The following SLC25A12 variants were observed in gnomAD, a reference collection of about 807,000 sequenced individuals.
The protein encoded by SLC25A12 is electrogenic aspartate/glutamate antiporter SLC25A12, mitochondrial.
SLC25A12 carries 32 observed loss-of-function variants against 83.3 expected under a neutral mutation model. The ratio of observed to expected loss-of-function variants is 0.38; its 90% CI spans 0.29 to 0.52. The LOEUF is 0.52. Among genes scored for constraint, SLC25A12 ranks in the 20% least tolerant of loss-of-function variants. SLC25A12 has a pLI of 0.84. For synonymous variants in SLC25A12, 267 were observed against 291.1 expected, an observed-to-expected ratio of 0.92 and a Z score of 0.84; for missense variants, 611 against 835.6, an observed-to-expected ratio of 0.73 and a Z score of 3.31.
chr2:171,841,890 T>C (rs1479035660), intron 5 of SLC25A12, among the ~76,000 whole-genome samples: 1 of 152,174 alleles, frequency 6.6e-6, no homozygotes, highest in Non-Finnish European at 1.5e-5. Context: ...GCAGTGAGCT[T>C]ACACAGTCTG....
intron 1 of SLC25A12, 150 bp downstream of exon 1, chr2:171,894,053 C>T: frequency 1.8e-6 from 2 of 1,110,686 alleles, no homozygotes. Context: ...GTCCAAGCCC[C>T]GCACAGCTCT....
At chr2:171,892,876 A>G (rs1685972754) in intron 2 of SLC25A12, among the ~76,000 whole-genome samples, 2 of 152,236 alleles carry the variant, frequency 1.3e-5, no homozygotes, top group Admixed American at 6.5e-5. Flanking sequence ...AATTTTAGTC[A>G]TCATACCTAT....
At chr2:171,824,554 T>C (rs568230231) in intron 9 of SLC25A12, among the ~76,000 whole-genome samples, 1 of 152,176 alleles carries the variant, frequency 6.6e-6, no homozygotes, top group Non-Finnish European at 1.5e-5. Flanking sequence ...CACTGCAAAA[T>C]ATCTTCTTTT....
chr2:171,882,315 G>A (rs1180109643), intron 2 of SLC25A12, among the ~76,000 whole-genome samples: 1 of 152,194 alleles, frequency 6.6e-6, no homozygotes, highest in African/African-American at 2.4e-5. Context: ...AGTTCCAGAG[G>A]TGAGCATGTG....
At chr2:171,795,499 T>C (rs1387746078) in intron 13 of SLC25A12, among the ~76,000 whole-genome samples, 3 of 152,226 alleles carry the variant, frequency 2.0e-5, no homozygotes, top group Non-Finnish European at 4.4e-5. Context: ...ACTACTTCCC[T>C]GAAATCTCTT....
chr2:171,840,137 T>C lies in SLC25A12; in HGVS notation c.466-2870A>G, dbSNP rs954358648. Among the ~76,000 whole-genome samples, 8 of 152,304 alleles carry C rather than the reference T, an allele frequency of 5.3e-5. No homozygotes were observed. In the Middle Eastern group the frequency reaches 0.01, roughly 194 times the overall value. ...CAAAAGCCAGATCTAATATTCCAGA[T>C]TGGAGACTAGACAATTTTTCCCTGA... On this transcript the variant is annotated intron_variant, in intron 5 of 17. Coordinates refer to ENST00000422440, the MANE Select transcript of SLC25A12 (RefSeq NM_003705.5).
intron 2 of SLC25A12, among the ~76,000 whole-genome samples, chr2:171,884,601 T>C (rs1685773265): frequency 6.6e-6 from 1 of 150,840 alleles, no homozygotes; most frequent in African/African-American, 2.4e-5. Flanking sequence ...GATACCCCCA[T>C]CTCTACTAAA....
At chr2:171,860,444 C>CA (rs1553475362) in intron 3 of SLC25A12, among the ~76,000 whole-genome samples, 1 of 151,496 alleles carries the variant, frequency 6.6e-6, no homozygotes, top group Admixed American at 6.6e-5. Flanking sequence ...ACTAAAAATA[C>CA]AAAAAAAATT....
chr2:171,801,438 AT>A (rs1163684802), intron 13 of SLC25A12, among the ~76,000 whole-genome samples: 9 of 152,194 alleles, frequency 5.9e-5, no homozygotes, highest in Admixed American at 6.5e-5. Flanking sequence ...TTAAGGTACT[AT>A]TTTTGCCCAC....
At chr2:171,828,299 A>C (rs559284910) in intron 8 of SLC25A12, among the ~76,000 whole-genome samples, 1 of 152,172 alleles carries the variant, frequency 6.6e-6, no homozygotes, top group Non-Finnish European at 1.5e-5. Flanking sequence ...TAATCCCTAC[A>C]TGTGACGAAA....
chr2:171,856,251 A>G (rs189230759), intron 3 of SLC25A12, among the ~76,000 whole-genome samples: 4 of 152,262 alleles, frequency 2.6e-5, no homozygotes, highest in Non-Finnish European at 5.9e-5. Context: ...CAGTTTCTCA[A>G]CCTCAGTACT....
At position 171,887,145 on chromosome 2, in the gene SLC25A12, T is replaced by C. The variant is rs112005060; in HGVS notation, c.66+6060A>G. 1.2e-3 allele frequency among the ~76,000 whole-genome samples: 184 copies of C among 152,312 alleles called. 2 individuals carry two copies. Among genetic ancestry groups the C allele is most frequent in the Middle Eastern group, 3.4e-3 (1 of 294 alleles). The stretch of plus-strand genomic sequence containing the variant: ...TAAGTAAATAAAATACATAAACTAT[T>C]TGAATAAAAGAACATATCTTTCTAT... On this transcript the variant is annotated intron_variant, in intron 2 of 17. Coordinates refer to ENST00000422440, the MANE Select transcript of SLC25A12 (RefSeq NM_003705.5).
intron 2 of SLC25A12, among the ~76,000 whole-genome samples, chr2:171,870,653 G>A (rs899637284): frequency 2.0e-5 from 3 of 152,016 alleles, no homozygotes; most frequent in African/African-American, 7.3e-5. Context: ...ATACTGACAG[G>A]AATGTGAGAG....
intron 4 of SLC25A12, among the ~76,000 whole-genome samples, chr2:171,851,885 T>C (rs996014857): frequency 1.3e-5 from 2 of 152,220 alleles, no homozygotes; most frequent in African/African-American, 4.8e-5. Flanking sequence ...CAACACAATG[T>C]AGTATAACTG....
At chr2:171,785,702 T>C (rs1180619918) in intron 17 of SLC25A12, among the ~76,000 whole-genome samples, 6 of 152,210 alleles carry the variant, frequency 3.9e-5, no homozygotes, top group African/African-American at 9.7e-5. Flanking sequence ...TTATTTCCAA[T>C]GCTTGCATAC....
intron 6 of SLC25A12, among the ~76,000 whole-genome samples, chr2:171,835,804 A>C (rs1239382640): frequency 1.4e-5 from 2 of 147,778 alleles, no homozygotes; most frequent in African/African-American, 2.5e-5. Flanking sequence ...CACCCCTCAC[A>C]CACATGCCTT....
At chr2:171,809,514 C>A in intron 13 of SLC25A12, 92 bp downstream of exon 13, 1 of 975,752 alleles carries the variant, frequency 1.0e-6, no homozygotes, top group Non-Finnish European at 1.7e-6. Flanking sequence ...CCCTTGAGTT[C>A]AAGAGAAATG....
At chr2:171,855,478 T>C (rs1685026830) in intron 4 of SLC25A12, among the ~76,000 whole-genome samples, 2 of 152,188 alleles carry the variant, frequency 1.3e-5, no homozygotes, top group Non-Finnish European at 2.9e-5. Flanking sequence ...GAACTCCCTA[T>C]CTAAAAATCA....
intron 3 of SLC25A12, among the ~76,000 whole-genome samples, chr2:171,867,173 C>T (rs1382042191): frequency 1.3e-5 from 2 of 150,218 alleles, no homozygotes; most frequent in African/African-American, 4.9e-5. Flanking sequence ...AGAGGGGCTC[C>T]TCACGTCCCA....
Sources: gnomAD v4.1 joint callset for allele counts (sites outside exome capture counted in the v4.1 genomes callset) on GRCh38, gnomAD v4.1.1 for gene constraint, MANE v1.5 for transcripts, NCBI Gene and HGNC (gene_info 2026-07-23, HGNC 2026-07-21) for gene names.